Variants in KRT6C observed in about 807,000 individuals in gnomAD.
KRT6C encodes keratin, type II cytoskeletal 6C.
In KRT6C, 46 loss-of-function variants were observed where a neutral mutation model predicts 49.4. The observed-to-expected ratio is 0.93, with a 90% CI of 0.74 to 1.19. The LOEUF is 1.19. Among genes scored for constraint, KRT6C ranks in the 50% most tolerant of loss-of-function variants. KRT6C has a pLI of 0.00. For missense variants in KRT6C, 552 were observed against 737.5 expected, an observed-to-expected ratio of 0.75 and a Z score of 2.91; for synonymous variants, 236 against 297.1, an observed-to-expected ratio of 0.79 and a Z score of 2.12.
chr12:52,471,227 G>A lies in KRT6C; in HGVS notation c.982C>T (p.Leu328=), dbSNP rs977157286. ...TCAGCGATGATGCTGTCCAGGTCCAGGTTGCGGTTGTTGTCCATGGATAGC... is the reference window on the plus strand; with the variant it reads ...TCAGCGATGATGCTGTCCAGGTCCAAGTTGCGGTTGTTGTCCATGGATAGC... The part of the protein sequence containing the change: ...VVLSMDNNRN[L]DLDSIIAEVK... The change falls in exon 5 of 9, where the codon CTG becomes TTG. Residue 328 remains leucine, a synonymous_variant. Transcript: ENST00000252250. 6.2e-7 allele frequency: 1 copy of A among 1,614,068 alleles called. No homozygotes were observed. Among genetic ancestry groups the A allele is most frequent in the Non-Finnish European group, 8.5e-7 (1 of 1,180,038 alleles).
At chr12:52,469,493 T>C (rs1937833909) in intron 7 of KRT6C, 48 bp from the exon 8 acceptor site, 2 of 1,613,792 alleles carry the variant, frequency 1.2e-6, no homozygotes, top group Non-Finnish European at 1.7e-6. Flanking sequence ...AGCTCTTCCT[T>C]CCCTGGACCA....
intron 7 of KRT6C, 21 bp from the exon 8 acceptor site, chr12:52,469,466 A>C: frequency 6.2e-7 from 1 of 1,613,922 alleles, no homozygotes; most frequent in Non-Finnish European, 8.5e-7. Context: ...GAACACAGGG[A>C]GGGTGAGACC....
intron 7 of KRT6C, 85 bp downstream of exon 7, chr12:52,469,585 G>A: frequency 3.1e-6 from 5 of 1,613,102 alleles, no homozygotes; most frequent in African/African-American, 1.3e-5. Flanking sequence ...TTACGGCCAT[G>A]AGCAGTGCAC....
chr12:52,470,181 G>C (rs1295012216), intron 6 of KRT6C: 5 of 600,202 alleles, frequency 8.3e-6, no homozygotes, highest in African/African-American at 1.9e-5. Context: ...GGTTTGTACT[G>C]AGTGCTGTTT....
In KRT6C at chr12:52,472,385, A is replaced by G. The variant is rs1592178127; in HGVS notation, c.541-105T>C. The G allele has an allele frequency of 1.6e-5, 17 of 1,037,472 alleles. 1 individual carries two copies. The South Asian group carries it at 1.7e-4, about 11-fold the overall frequency. The allele number at this position is 1,037,472 out of a possible 1,614,324, so 64.3% of individuals were successfully genotyped here. A position where few individuals can be genotyped will look rare whatever the true frequency, so the allele number is the denominator to read the frequency against. On this transcript the variant is annotated intron_variant, in intron 1 of 8. Transcript: ENST00000252250. ...TTGGAGGTCCCCATGGTGCTGGGCT[A>G]CTACAGTGCATGTGGAGAGGCTCAG...
Position 52,473,748 on chromosome 12 carries a change from G to T in KRT6C, c.-11C>A. 1.2e-6 allele frequency: 2 copies of T among 1,614,118 alleles called. No individual in the cohort carries two copies. The highest frequency in any genetic ancestry group is 1.7e-6 in the Non-Finnish European group (2 of 1,180,044). Reference sequence around the variant, plus strand: ...GGATGTGCTGGCCATGGTTCCAGGAGATGAGAGGGCTGTGGCGAGCGTTGG... The same window carrying T: ...GGATGTGCTGGCCATGGTTCCAGGATATGAGAGGGCTGTGGCGAGCGTTGG... On this transcript the variant is annotated 5_prime_UTR_variant, in exon 1 of 9. Transcript: ENST00000252250.
rs1490130011 is a variant in KRT6C at position 52,468,761 on chromosome 12, AT to A, written c.*300del. 2 of 412,934 alleles carry A rather than the reference AT, an allele frequency of 4.8e-6. No individual in the cohort carries two copies. The highest frequency in any genetic ancestry group is 8.4e-5 in the East Asian group (2 of 23,794). 25.6% of individuals were successfully genotyped at this position (412,934 alleles called of 1,614,324 possible). A position where few individuals can be genotyped will look rare whatever the true frequency, so the allele number is the denominator to read the frequency against. ...AAGGAACAGAGATCATTTTCTTATA[AT>A]GCTCAGCCTCAGAGAGAACAATTTT... is the stretch of plus-strand genomic sequence containing the variant. On this transcript the variant is annotated 3_prime_UTR_variant, in exon 9 of 9. Coordinates refer to ENST00000252250, the MANE Select transcript of KRT6C (RefSeq NM_173086.5).
rs1592178216 is a variant in KRT6C, at chr12:52,472,663, T to A, written c.541-383A>T. Among the ~76,000 whole-genome samples the A allele has an allele frequency of 2.2e-5, 3 of 135,978 alleles. No homozygotes were observed. The South Asian group carries it at 6.9e-4, about 31-fold the overall frequency. The allele number at this position is 135,978 out of a possible 152,430, so 89.2% of individuals were successfully genotyped here. A position where few individuals can be genotyped will look rare whatever the true frequency, so the allele number is the denominator to read the frequency against. On this transcript the variant is annotated intron_variant, in intron 1 of 8. Transcript: ENST00000252250. ...GAGATATTATATGTTGACTCATGATTACATTTCAGTCTACTTTCCCATTTA... is the reference window on the plus strand; with the variant it reads ...GAGATATTATATGTTGACTCATGATAACATTTCAGTCTACTTTCCCATTTA...
In KRT6C at chr12:52,471,735, A is replaced by G. The variant is rs778570537; in HGVS notation, c.756-3T>C. On this transcript the variant is annotated splice_region_variant and splice_polypyrimidine_tract_variant and intron_variant, in intron 2 of 8. Coordinates refer to ENST00000252250, the MANE Select transcript of KRT6C (RefSeq NM_173086.5). ...GCTTGTTGATTTCATCCTCATATCT[A>G]CAGGAAGAAAGGCATAGGACACATA... The G allele has an allele frequency of 3.1e-6, 5 of 1,613,660 alleles. No individual in the cohort carries two copies. Among genetic ancestry groups the G allele is most frequent in the Admixed American group, 1.7e-5 (1 of 59,984 alleles).
chr12:52,471,853 G>T, intron 2 of KRT6C, 121 bp from the exon 3 acceptor site: 1 of 1,403,594 alleles, frequency 7.1e-7, no homozygotes, highest in Non-Finnish European at 1.0e-6. Context: ...CTGCCACAGA[G>T]AGCCAAAGAG....
rs369432834 is a variant in KRT6C, at chr12:52,473,784, C to G, written c.-47G>C. The G allele has an allele frequency of 1.2e-6, 2 of 1,613,436 alleles. No individual in the cohort carries two copies. Among genetic ancestry groups the G allele is most frequent in the Non-Finnish European group, 1.7e-6 (2 of 1,179,870 alleles). On this transcript the variant is annotated 5_prime_UTR_variant, in exon 1 of 9. Coordinates refer to ENST00000252250, the MANE Select transcript of KRT6C (RefSeq NM_173086.5). ...TGTGGCGAGCGTTGGAGGCTGGAGG[C>G]GAGAGGCAGGAGAAGCAGGACAAGG...
At position 52,471,180 on chromosome 12, in the gene KRT6C, C is replaced by G; in HGVS notation, c.1029G>C (p.Glu343Asp). The G allele has an allele frequency of 6.2e-7, 1 of 1,614,174 alleles. No individual in the cohort carries two copies. Among genetic ancestry groups the G allele is most frequent in the African/African-American group, 1.3e-5 (1 of 75,056 alleles). The change falls in exon 5 of 9, where the codon GAG (glutamate) becomes GAC (aspartate). Residue 343 changes from glutamate (E) to aspartate (D), a missense_variant. Around this residue, in one of 3 missense-constraint regions of KRT6C, gnomAD observed 425 missense variants for 439.4 expected, o/e 0.97. Transcript: ENST00000252250. ...CCTCAGCCCGGCTCCTCTGAGCAAT[C>G]TCCTCGTATTGGGCCTTGACCTCAG... is the stretch of plus-strand genomic sequence containing the variant. ...IIAEVKAQYE[E>D]IAQRSRAEAE...
At position 52,471,412 on chromosome 12, in the gene KRT6C, G is replaced by A; in HGVS notation, c.912+9C>T. ...TCAGAGTAAACAGAAGGATGGTGGA[G>A]ATGCTTACTGCATCATACAAGGCTC... is the stretch of plus-strand genomic sequence containing the variant. On this transcript the variant is annotated intron_variant, in intron 4 of 8. Coordinates refer to ENST00000252250, the MANE Select transcript of KRT6C (RefSeq NM_173086.5). The A allele has an allele frequency of 6.2e-7, 1 of 1,614,032 alleles. No homozygotes were observed.
intron 4 of KRT6C, 36 bp downstream of exon 4, chr12:52,471,385 C>T (rs1937879529): frequency 1.2e-6 from 2 of 1,613,934 alleles, no homozygotes; most frequent in African/African-American, 1.3e-5. Context: ...TTGCAGACCC[C>T]ATCAGAGTAA....
At position 52,469,165 on chromosome 12, in the gene KRT6C, C is replaced by T; in HGVS notation, c.1592G>A (p.Ser531Asn). 3.7e-6 allele frequency: 6 copies of T among 1,614,032 alleles called. No homozygotes were observed. The highest frequency in any genetic ancestry group is 5.1e-6 in the Non-Finnish European group (6 of 1,179,898). Reference protein sequence around the residue: ...LGIGGGFSSSSGRAIGGGLSS... With the variant: ...LGIGGGFSSSNGRAIGGGLSS... ...GAGGCCACCCCCAATGGCTCTGCCA[C>T]TGCTGGAACTGAAGCCACCTCCAAT... Residue 531 changes from serine to asparagine, a missense_variant, in exon 9 of 9, where the codon AGT (serine) becomes AAT (asparagine). Physicochemically the swap from Ser to Asn is conservative, Grantham distance 46. Around this residue, in one of 3 missense-constraint regions of KRT6C, gnomAD observed 425 missense variants for 439.4 expected, o/e 0.97. Coordinates refer to ENST00000252250, the MANE Select transcript of KRT6C (RefSeq NM_173086.5).
In KRT6C at chr12:52,472,627, CTTAG is replaced by C. The variant is rs536108915; in HGVS notation, c.541-351_541-348del. ...TACACAGTTTTTTTACTGATAGGAT[CTTAG>C]TTAGGAGAGATATTATATGTTGACT... On this transcript the variant is annotated intron_variant, in intron 1 of 8. Coordinates refer to ENST00000252250, the MANE Select transcript of KRT6C (RefSeq NM_173086.5). Among the ~76,000 whole-genome samples the C allele has an allele frequency of 2.1e-4, 28 of 135,220 alleles. 2 individuals carry two copies. Among genetic ancestry groups the C allele is most frequent in the South Asian group, 7.0e-4 (3 of 4,276 alleles). The allele number at this position is 135,220 out of a possible 152,430, so 88.7% of individuals were successfully genotyped here. A position where few individuals can be genotyped will look rare whatever the true frequency, so the allele number is the denominator to read the frequency against.
rs766347302 is a variant in KRT6C at position 52,471,220 on chromosome 12, A to G, written c.989T>C (p.Leu330Pro). 6.2e-7 allele frequency: 1 copy of G among 1,614,192 alleles called. No individual in the cohort carries two copies. ...CTTGACCTCAGCGATGATGCTGTCC[A>G]GGTCCAGGTTGCGGTTGTTGTCCAT... is the stretch of plus-strand genomic sequence containing the variant. ...LSMDNNRNLD[L>P]DSIIAEVKAQ... Residue 330 changes from leucine (L) to proline (P), a missense_variant, in exon 5 of 9, where the codon CTG (leucine) becomes CCG (proline). By Grantham distance (98) the Leu-to-Pro change is moderately conservative. Transcript: ENST00000252250.
rs138260820 is a variant in KRT6C, at chr12:52,473,692, G to A, written c.46C>T (p.Arg16Trp). The A allele has an allele frequency of 6.1e-5, 99 of 1,613,510 alleles. No homozygotes were observed. The African/African-American group carries it at 7.1e-4, about 12-fold the overall frequency. The change falls in exon 1 of 9, where the codon CGG becomes TGG. Residue 16 changes from arginine (R) to tryptophan (W), a missense_variant. Around this residue, in one of 3 missense-constraint regions of KRT6C, gnomAD observed 73 missense variants for 102.1 expected, o/e 0.71. Coordinates refer to ENST00000252250, the MANE Select transcript of KRT6C (RefSeq NM_173086.5). ...TTIRSHSSSRRGFSANSARLP... is the reference protein window; with the variant it reads ...TTIRSHSSSRWGFSANSARLP... ...CTGGCTGAGTTGGCACTGAAACCCC[G>A]GCGGCTGCTGCTGTGGCTCCTGATG... is the stretch of plus-strand genomic sequence containing the variant.
rs574591844 is a variant in KRT6C, at chr12:52,468,532, T to G, written c.*530A>C. ...TACCATGCATTATTCTAAAACCTGC[T>G]TTATTTAGAAATTACAAAGAGCAAA... On this transcript the variant is annotated 3_prime_UTR_variant, in exon 9 of 9. Coordinates refer to ENST00000252250, the MANE Select transcript of KRT6C (RefSeq NM_173086.5). 1.2e-5 allele frequency: 2 copies of G among 162,104 alleles called. No individual in the cohort carries two copies. Among genetic ancestry groups the G allele is most frequent in the East Asian group, 3.5e-4 (2 of 5,672 alleles). The allele number at this position is 162,104 out of a possible 1,614,324, so 10.0% of individuals were successfully genotyped here. A position where few individuals can be genotyped will look rare whatever the true frequency, so the allele number is the denominator to read the frequency against.
Sources: allele counts gnomAD v4.1 joint callset (sites outside exome capture counted in the v4.1 genomes callset), GRCh38; gene constraint gnomAD v4.1.1; regional missense constraint gnomAD v4.1.1; transcripts MANE v1.5; gene names NCBI Gene and HGNC (gene_info 2026-07-23, HGNC 2026-07-21).